Variants in KAZN observed in about 807,000 individuals in gnomAD.
The protein encoded by KAZN is kazrin.
KAZN carries 40 observed loss-of-function variants against 87.4 expected under a neutral mutation model. The ratio of observed to expected loss-of-function variants is 0.46; its 90% confidence interval spans 0.36 to 0.60. The LOEUF is 0.60. Among genes scored for constraint, KAZN ranks in the 20% least tolerant of loss-of-function variants. The pLI is 0.00. For synonymous variants in KAZN, 466 were observed against 458.3 expected, an observed-to-expected ratio of 1.02 and a Z score of -0.22; for missense variants, 898 against 1,073.9, an observed-to-expected ratio of 0.84 and a Z score of 2.29.
At chr1:14,917,453 G>A (rs934132409) in intron 1 of KAZN, among the ~76,000 whole-genome samples, 1 of 152,196 alleles carries the variant, frequency 6.6e-6, no homozygotes, top group African/African-American at 2.4e-5. Context: ...ATAGCAGGGA[G>A]TGTGTCCCGC....
intron 1 of KAZN, among the ~76,000 whole-genome samples, chr1:13,978,866 T>G (rs933745820): frequency 8.6e-5 from 13 of 151,998 alleles, no homozygotes; most frequent in African/African-American, 2.9e-4. Flanking sequence ...TTTGGGAGGC[T>G]GAGGTGGGAG....
chr1:15,062,563 T>A (rs1346205745), intron 6 of KAZN: 1 of 152,502 alleles, frequency 6.6e-6, no homozygotes, highest in African/African-American at 2.4e-5. Context: ...TGCCTCATCC[T>A]CTCACACTCT....
chr1:14,266,405 A>G (rs1475215369), intron 2 of KAZN, among the ~76,000 whole-genome samples: 1 of 152,234 alleles, frequency 6.6e-6, no homozygotes, highest in Non-Finnish European at 1.5e-5. Context: ...TTAAACATTG[A>G]TGATGTATAT....
At position 15,002,549 on chromosome 1, in the gene KAZN, C is replaced by T. The variant is rs1050150906; in HGVS notation, c.419-32200C>T. On this transcript the variant is annotated intron_variant, in intron 2 of 14. Transcript: ENST00000376030. The stretch of plus-strand genomic sequence containing the variant: ...ACTCTCTGAATGACCTTGGGTGGGT[C>T]ACTTAGTTTCCCGGAACCTAAGTTT... Among the ~76,000 whole-genome samples, 6 of 152,290 alleles carry T rather than the reference C, an allele frequency of 3.9e-5. No homozygotes were observed. The East Asian group carries it at 1.2e-3, about 29-fold the overall frequency.
At chr1:15,012,542 C>T (rs1049680334) in intron 2 of KAZN, among the ~76,000 whole-genome samples, 8 of 152,198 alleles carry the variant, frequency 5.3e-5, no homozygotes, top group Admixed American at 1.3e-4. Flanking sequence ...CTTCCAGGCC[C>T]TCAATGCAGG....
chr1:14,777,907 T>C (rs1645227055), intron 1 of KAZN, among the ~76,000 whole-genome samples: 1 of 151,762 alleles, frequency 6.6e-6, no homozygotes, highest in African/African-American at 2.4e-5. Flanking sequence ...GGTGGGAGTG[T>C]CTTTTAGCAT....
intron 1 of KAZN, among the ~76,000 whole-genome samples, chr1:14,053,163 T>C (rs1422237754): frequency 1.3e-5 from 2 of 152,170 alleles, no homozygotes; most frequent in Non-Finnish European, 2.9e-5. Context: ...GAGTTGCTGT[T>C]GTTCTCCCAC....
intron 2 of KAZN, among the ~76,000 whole-genome samples, chr1:14,534,204 G>T (rs1484900923): frequency 6.6e-6 from 1 of 152,182 alleles, no homozygotes; most frequent in Non-Finnish European, 1.5e-5. Context: ...GCTAGACTCA[G>T]CTTTGGAAAA....
chr1:14,145,322 G>A (rs1645322935), intron 1 of KAZN, among the ~76,000 whole-genome samples: 2 of 152,032 alleles, frequency 1.3e-5, no homozygotes, highest in African/African-American at 4.8e-5. Context: ...GCATGTTCCT[G>A]TAGTCCCAGC....
chr1:15,103,454 C>G lies in KAZN; in HGVS notation c.1875C>G (p.Asp625Glu). 1 of 1,547,882 alleles carries G rather than the reference C, an allele frequency of 6.5e-7. No homozygotes were observed. Residue 625 changes from aspartate (D) to glutamate (E), a missense_variant, in exon 12 of 15, where the codon GAC becomes GAG. Transcript: ENST00000376030. The stretch of plus-strand genomic sequence containing the variant: ...TGCTCAAGTGGGTTCGAGACATCGA[C>G]CTGAAGGTGAGGGTGATAGCGGAGG... The part of the protein sequence containing the change: ...QRVLKWVRDI[D>E]LKEYADNLTN...
chr1:14,737,893 C>A (rs967369392), intron 1 of KAZN, among the ~76,000 whole-genome samples: 1 of 152,156 alleles, frequency 6.6e-6, no homozygotes, highest in Non-Finnish European at 1.5e-5. Context: ...TTTAAGGACT[C>A]ACCTGATTAG....
intron 1 of KAZN, among the ~76,000 whole-genome samples, chr1:13,982,231 C>T (rs1257755494): frequency 6.6e-6 from 1 of 152,158 alleles, no homozygotes; most frequent in Non-Finnish European, 1.5e-5. Context: ...CTCACAGTGC[C>T]CACCTCAAGG....
chr1:14,224,500 C>G (rs1647195916), intron 2 of KAZN, among the ~76,000 whole-genome samples: 1 of 152,180 alleles, frequency 6.6e-6, no homozygotes, highest in South Asian at 2.1e-4. Flanking sequence ...GTGATGCCAA[C>G]AGATGCCAGA....
intron 1 of KAZN, among the ~76,000 whole-genome samples, chr1:14,754,462 G>A (rs1434395641): frequency 6.6e-6 from 1 of 151,900 alleles, no homozygotes; most frequent in African/African-American, 2.4e-5. Context: ...AAGAAATCCT[G>A]TCTCTACTAA....
At chr1:14,340,869 G>A (rs979007843) in intron 2 of KAZN, among the ~76,000 whole-genome samples, 12 of 144,268 alleles carry the variant, frequency 8.3e-5, no homozygotes, top group Admixed American at 2.7e-4. Context: ...TTATATCTCC[G>A]TAAGGGTCAT....
At chr1:14,698,192 G>A (rs533411612) in intron 1 of KAZN, among the ~76,000 whole-genome samples, 1 of 152,276 alleles carries the variant, frequency 6.6e-6, no homozygotes, top group East Asian at 1.9e-4. Flanking sequence ...CATGTTAAAG[G>A]TTCTCCTCTG....
At chr1:15,020,579 T>C (rs914883130) in intron 2 of KAZN, among the ~76,000 whole-genome samples, 4 of 152,176 alleles carry the variant, frequency 2.6e-5, no homozygotes, top group African/African-American at 9.7e-5. Context: ...TCCGTGTGGC[T>C]CTTCTGCGTC....
chr1:14,418,091 G>A (rs1333146699), intron 2 of KAZN, among the ~76,000 whole-genome samples: 1 of 134,924 alleles, frequency 7.4e-6, no homozygotes, highest in African/African-American at 2.8e-5. Context: ...CCTCCCAGGA[G>A]ATGATCCATA....
chr1:15,043,769 A>C lies in KAZN; in HGVS notation c.556-220A>C, dbSNP rs566024184. On this transcript the variant is annotated intron_variant, in intron 3 of 14. Transcript: ENST00000376030. Reference sequence around the variant, plus strand: ...GCCATTCTCCTGCCTCAGCCTCCCGAGTAGCTGGGACTACAGGTGCCCGCC... The same window carrying C: ...GCCATTCTCCTGCCTCAGCCTCCCGCGTAGCTGGGACTACAGGTGCCCGCC... Among the ~76,000 whole-genome samples, 13 of 150,724 alleles carry C rather than the reference A, an allele frequency of 8.6e-5. No homozygotes were observed. In the East Asian group the frequency reaches 2.6e-3, roughly 30 times the overall value.
Sources: allele counts gnomAD v4.1 joint callset (sites outside exome capture counted in the v4.1 genomes callset), GRCh38; gene constraint gnomAD v4.1.1; transcripts MANE v1.5; gene names NCBI Gene and HGNC (gene_info 2026-07-23, HGNC 2026-07-21).